IQSEC1: variants seen among roughly 807,000 people sequenced by gnomAD.
The protein encoded by IQSEC1 is IQ motif and SEC7 domain-containing protein 1.
IQSEC1 carries 31 observed loss-of-function variants against 91.0 expected under a neutral mutation model. That is an observed-to-expected ratio of 0.34 (90% CI 0.26 to 0.46). IQSEC1 has a LOEUF of 0.46. Ranked by LOEUF, IQSEC1 falls within the 20% of genes least tolerant of loss-of-function variation. The probability of loss-of-function intolerance (pLI) is 1.00; values close to 1 mark genes in which losing one functional copy is unlikely to be tolerated. For missense variants in IQSEC1, 1,388 were observed against 1,575.6 expected (o/e 0.88, Z 2.02); for synonymous variants, 699 against 662.6 (o/e 1.05, Z -0.84).
At chr3:13,254,923 A>AG (rs908690002) in intron 1 of IQSEC1, among the ~76,000 whole-genome samples, 2 of 152,144 alleles carry the variant, frequency 1.3e-5, no homozygotes, top group African/African-American at 4.8e-5. Context: ...GCATCCACAC[A>AG]GCCTTCCTGC....
chr3:13,164,503 G>GTGAATGAA, intron 1 of IQSEC1, among the ~76,000 whole-genome samples: 1 of 152,258 alleles, frequency 6.6e-6, no homozygotes. Context: ...GAATGAATGA[G>GTGAATGAA]TGAATGAATG....
At position 12,935,865 on chromosome 3, in the gene IQSEC1, C is replaced by T. The variant is rs899865181; in HGVS notation, c.1151G>A (p.Arg384Gln). 13 of 1,607,042 alleles carry T rather than the reference C, an allele frequency of 8.1e-6. No homozygotes were observed. The Admixed American group carries it at 8.3e-5, about 10-fold the overall frequency. ...AGCACTCTGCCTCTTGAGTGACCCC[C>T]GCTCCGAGCGGTCACTAAGGTCCAC... ...SSVDLSDRSERGSLKRQSAYE... is the reference protein window; with the variant it reads ...SSVDLSDRSEQGSLKRQSAYE... The change falls in exon 3 of 14, where the codon CGG (arginine) becomes CAG (glutamine). Residue 384 changes from arginine (R) to glutamine (Q), a missense_variant. Around this residue, in one of 2 missense-constraint regions of IQSEC1, gnomAD observed 1,059 missense variants for 1,317.8 expected, o/e 0.80. Transcript: ENST00000613206. This position sits in a 1 kb window ranked among gnomAD's most constrained non-coding sequence, Gnocchi z 8.0.
intron 1 of IQSEC1, among the ~76,000 whole-genome samples, chr3:13,224,307 A>G (rs1390946812): frequency 6.6e-6 from 1 of 151,952 alleles, no homozygotes; most frequent in African/African-American, 2.4e-5. Context: ...AAGCCCCCAC[A>G]CCCAATTATC....
intron 1 of IQSEC1, among the ~76,000 whole-genome samples, chr3:13,006,547 G>A (rs1287679337): frequency 6.6e-6 from 1 of 152,264 alleles, no homozygotes; most frequent in African/African-American, 2.4e-5. Context: ...GCCCAGCTGA[G>A]CATAGCCAAG....
chr3:13,195,881 C>G lies in IQSEC1; in HGVS notation c.273-31748G>C, dbSNP rs989847838. Among the ~76,000 whole-genome samples the G allele has an allele frequency of 1.3e-5, 2 of 152,294 alleles. 1 individual carries two copies. Among genetic ancestry groups the G allele is most frequent in the Admixed American group, 1.3e-4 (2 of 15,296 alleles). On this transcript the variant is annotated intron_variant, in intron 1 of 15. Transcript: ENST00000648114. ...GATGGTATCAGTATCAATAATACTT[C>G]TAGCTGGCATATTAGACTGTGGTTT...
intron 1 of IQSEC1, among the ~76,000 whole-genome samples, chr3:12,998,251 G>A (rs1021767770): frequency 2.6e-5 from 4 of 152,192 alleles, no homozygotes; most frequent in African/African-American, 2.4e-5. Context: ...TTAGGAGGCT[G>A]AAGTGGGAGG....
chr3:13,091,507 A>G (rs1424028941), intron 2 of IQSEC1, among the ~76,000 whole-genome samples: 1 of 151,938 alleles, frequency 6.6e-6, no homozygotes, highest in African/African-American at 2.4e-5. Flanking sequence ...CTTTTCTCCC[A>G]TCTCTTCCCC....
At chr3:13,226,622 C>T (rs552676658) in intron 1 of IQSEC1, among the ~76,000 whole-genome samples, 14 of 151,938 alleles carry the variant, frequency 9.2e-5, no homozygotes, top group African/African-American at 3.1e-4. Flanking sequence ...AAATTTGCCT[C>T]ATCAACCCAG....
rs80168935 is a variant in IQSEC1, at chr3:13,011,091, T to C, written c.23+61901A>G. 1.9e-3 allele frequency among the ~76,000 whole-genome samples: 287 copies of C among 152,206 alleles called. 1 individual carries two copies. Among genetic ancestry groups the C allele is most frequent in the African/African-American group, 6.4e-3 (267 of 41,514 alleles). On this transcript the variant is annotated intron_variant, in intron 1 of 13. Transcript: ENST00000613206. The stretch of plus-strand genomic sequence containing the variant: ...TCACTTTTTTTTTTCTTTTTCCTCT[T>C]CAAAAAAACTTTGTCTCACTGTATC...
At chr3:13,107,802 G>A (rs1706176034) in intron 2 of IQSEC1, among the ~76,000 whole-genome samples, 1 of 152,228 alleles carries the variant, frequency 6.6e-6, no homozygotes, top group Non-Finnish European at 1.5e-5. Flanking sequence ...CAGACACGGT[G>A]ATGCGGTCCT....
intron 1 of IQSEC1, among the ~76,000 whole-genome samples, chr3:12,959,783 G>C (rs573512136): frequency 3.9e-5 from 6 of 152,118 alleles, no homozygotes; most frequent in Admixed American, 2.6e-4. Context: ...CTGCACATAG[G>C]GATCATTATA....
At position 12,976,686 on chromosome 3, in the gene IQSEC1, T is replaced by C. The variant is rs544563071; in HGVS notation, c.24-34821A>G. ...CATCATTATCTGGCTTAATCACTTA[T>C]GTACTCACTGTCACTTCCACCAGAA... is the stretch of plus-strand genomic sequence containing the variant. On this transcript the variant is annotated intron_variant, in intron 1 of 13. Transcript: ENST00000613206. Among the ~76,000 whole-genome samples the C allele has an allele frequency of 5.9e-5, 9 of 152,358 alleles. No individual in the cohort carries two copies. In the South Asian group the frequency reaches 1.9e-3, roughly 32 times the overall value.
intron 2 of IQSEC1, among the ~76,000 whole-genome samples, chr3:13,107,425 C>T (rs1024518847): frequency 6.6e-5 from 10 of 152,310 alleles, no homozygotes; most frequent in Admixed American, 2.0e-4. Flanking sequence ...TAGATGCTTC[C>T]GAGATGTTTA....
chr3:13,007,555 T>TC (rs944566198), intron 1 of IQSEC1, among the ~76,000 whole-genome samples: 1 of 152,030 alleles, frequency 6.6e-6, no homozygotes, highest in Admixed American at 6.5e-5. Flanking sequence ...TGCCTCAGTT[T>TC]CCCCCCCTGC....
intron 2 of IQSEC1, among the ~76,000 whole-genome samples, chr3:13,130,359 A>AAT (rs1553567654): frequency 1.3e-5 from 2 of 148,378 alleles, no homozygotes; most frequent in African/African-American, 5.2e-5. Flanking sequence ...AAAAAAAAAA[A>AAT]AAAGAAAGAA....
chr3:12,991,428 G>A (rs1701984814), intron 1 of IQSEC1, among the ~76,000 whole-genome samples: 1 of 152,190 alleles, frequency 6.6e-6, no homozygotes, highest in Admixed American at 6.5e-5. Flanking sequence ...ATGCGGCAGT[G>A]CGTGGGACCC....
chr3:13,207,745 C>T lies in IQSEC1; in HGVS notation c.273-43612G>A, dbSNP rs73134131. ...CCGGCCACGCCATCGCCAGCTCTCC[C>T]GGGAGGCTCTCTCTCACCATCGCAT... On this transcript the variant is annotated intron_variant, in intron 1 of 15. Transcript: ENST00000648114. The surrounding 1 kb of genome is among the most constrained non-coding windows in gnomAD (Gnocchi z 4.8). Among the ~76,000 whole-genome samples the T allele has an allele frequency of 0.12, 17,566 of 152,130 alleles. 1,197 individuals are homozygous for T. Among genetic ancestry groups the T allele is most frequent in the East Asian group, 0.26 (1,347 of 5,144 alleles).
chr3:13,000,693 G>A (rs1423606816), intron 1 of IQSEC1, among the ~76,000 whole-genome samples: 2 of 152,202 alleles, frequency 1.3e-5, no homozygotes, highest in African/African-American at 4.8e-5. Flanking sequence ...AGCCCTCAAG[G>A]GCTGCCCTGC....
chr3:13,280,658 C>T (rs530817783), intron 1 of IQSEC1, among the ~76,000 whole-genome samples: 2 of 152,320 alleles, frequency 1.3e-5, no homozygotes, highest in East Asian at 1.9e-4. Context: ...CCAGCAGCAG[C>T]GGGTGTCCTA....
Sources: gnomAD v4.1 joint callset for allele counts (sites outside exome capture counted in the v4.1 genomes callset) on GRCh38, gnomAD v4.1.1 for gene constraint, gnomAD v4.1.1 regional missense constraint, Gnocchi (gnomAD v3.1) non-coding constraint, MANE v1.5 for transcripts, NCBI Gene and HGNC (gene_info 2026-07-23, HGNC 2026-07-21) for gene names.